Variants in MAPK10 observed in about 807,000 individuals in gnomAD.
MAPK10 encodes JNK3 alpha protein kinase.
A neutral mutation model predicts 59.3 loss-of-function variants in MAPK10; 25 were observed. The ratio of observed to expected loss-of-function variants is 0.42; its 90% CI spans 0.31 to 0.59. The LOEUF (loss-of-function observed/expected upper bound fraction) is 0.59, where lower values mean the gene tolerates loss of function less well. Ranked by LOEUF, MAPK10 falls within the 20% of genes least tolerant of loss-of-function variation. The pLI is 0.15. For synonymous variants in MAPK10, 190 were observed against 200.5 expected, an observed-to-expected ratio of 0.95 and a Z score of 0.44; for missense variants, 351 against 568.9, an observed-to-expected ratio of 0.62 and a Z score of 3.90.
intron 1 of MAPK10, among the ~76,000 whole-genome samples, chr4:86,553,723 G>C (rs909466061): frequency 6.6e-6 from 1 of 152,100 alleles, no homozygotes; most frequent in Non-Finnish European, 1.5e-5. Flanking sequence ...CTGTGAGGAG[G>C]GGAAGTGCCT....
chr4:86,177,356 C>G (rs192904323), intron 3 of MAPK10, among the ~76,000 whole-genome samples: 1 of 152,090 alleles, frequency 6.6e-6, no homozygotes, highest in Non-Finnish European at 1.5e-5. Flanking sequence ...TTGCCCTGCT[C>G]TGCCAAAAAT....
intron 1 of MAPK10, chr4:86,358,062 T>C (rs191139574): frequency 8.4e-5 from 83 of 984,824 alleles, no homozygotes; most frequent in Admixed American, 2.5e-4. Flanking sequence ...GTGATCAAGG[T>C]AGAGAAGGAA....
At chr4:86,264,709 G>A (rs2148752711) in intron 2 of MAPK10, among the ~76,000 whole-genome samples, 1 of 152,228 alleles carries the variant, frequency 6.6e-6, no homozygotes, top group African/African-American at 2.4e-5. Context: ...CTATGCCAGG[G>A]AGGAAACTGA....
chr4:86,121,575 G>T (rs935080859), intron 4 of MAPK10, among the ~76,000 whole-genome samples: 5 of 151,886 alleles, frequency 3.3e-5, no homozygotes, highest in Non-Finnish European at 5.9e-5. Flanking sequence ...TTTCATTTTT[G>T]TGAGGATTAC....
At chr4:86,066,746 C>G (rs1196775057) in intron 10 of MAPK10, among the ~76,000 whole-genome samples, 2 of 95,394 alleles carry the variant, frequency 2.1e-5, no homozygotes, top group African/African-American at 9.2e-5. Flanking sequence ...GAGCGAGACT[C>G]TGTCTCAAAA....
chr4:86,111,053 T>C (rs1421591754), intron 4 of MAPK10, among the ~76,000 whole-genome samples: 1 of 152,194 alleles, frequency 6.6e-6, no homozygotes, highest in Non-Finnish European at 1.5e-5. Flanking sequence ...TAGAAATGCA[T>C]GTGACTTTTT....
chr4:86,507,641 T>G (rs1230968659), intron 1 of MAPK10, among the ~76,000 whole-genome samples: 8 of 83,336 alleles, frequency 9.6e-5, no homozygotes, highest in Admixed American at 1.3e-4. Context: ...TATATATATA[T>G]ATATATATAT....
chr4:86,069,428 T>A (rs979404426), intron 9 of MAPK10, among the ~76,000 whole-genome samples: 1 of 152,110 alleles, frequency 6.6e-6, no homozygotes, highest in Non-Finnish European at 1.5e-5. Flanking sequence ...CATGCTTTGA[T>A]AGAAGCTCAT....
rs58674852 is a variant in MAPK10 at position 86,014,303 on chromosome 4, GGTGTGTGTGTGTGTGTGTGTGTGT to G, written c.*2901_*2924del. The G allele has an allele frequency of 1.4e-5, 2 of 143,892 alleles. No individual in the cohort carries two copies. Among genetic ancestry groups the G allele is most frequent in the Non-Finnish European group, 3.0e-5 (2 of 65,940 alleles). 8.9% of individuals were successfully genotyped at this position (143,892 alleles called of 1,614,324 possible). A position where few individuals can be genotyped will look rare whatever the true frequency, so the allele number is the denominator to read the frequency against. ...AGGTGACTATTTAAGAAATATTTGG[GGTGTGTGTGTGTGTGTGTGTGTGT>G]GTGTGTGTGTGTGTGTGTTAAGACA... On this transcript the variant is annotated 3_prime_UTR_variant, in exon 14 of 14. Transcript: ENST00000641462.
At chr4:86,428,609 C>T (rs1272983347) in intron 1 of MAPK10, among the ~76,000 whole-genome samples, 1 of 152,154 alleles carries the variant, frequency 6.6e-6, no homozygotes, top group Admixed American at 6.5e-5. Context: ...GACAACTTTT[C>T]TCATTTTTTG....
At chr4:86,390,334 T>C (rs530989732) in intron 1 of MAPK10, among the ~76,000 whole-genome samples, 1 of 152,320 alleles carries the variant, frequency 6.6e-6, no homozygotes, top group Non-Finnish European at 1.5e-5. Flanking sequence ...CTTGATCCTA[T>C]GAGATGCCAA....
At chr4:86,406,719 T>A (rs1744407945) in intron 1 of MAPK10, among the ~76,000 whole-genome samples, 1 of 152,070 alleles carries the variant, frequency 6.6e-6, no homozygotes, top group Non-Finnish European at 1.5e-5. Context: ...TGGGGCTTAA[T>A]TAGGGGCTTA....
chr4:86,294,080 G>A (rs1204245416), intron 2 of MAPK10, among the ~76,000 whole-genome samples: 1 of 152,164 alleles, frequency 6.6e-6, no homozygotes, highest in African/African-American at 2.4e-5. Flanking sequence ...ATGTGTCCAC[G>A]GACATACACC....
intron 1 of MAPK10, among the ~76,000 whole-genome samples, chr4:86,506,177 A>T (rs55660529): frequency 0.22 from 33,322 of 152,138 alleles, 4,547 homozygotes; most frequent in Admixed American, 0.3. Context: ...GTCATATGAA[A>T]ATCCAGGAAG....
At chr4:86,043,267 C>A (rs945170096) in intron 11 of MAPK10, among the ~76,000 whole-genome samples, 2 of 152,074 alleles carry the variant, frequency 1.3e-5, no homozygotes, top group South Asian at 2.1e-4. Flanking sequence ...AGAGAACAAC[C>A]CACATTGAGC....
At chr4:86,581,899 TTATATATATATATA>T (rs67303972) in intron 1 of MAPK10, among the ~76,000 whole-genome samples, 6,114 of 91,456 alleles carry the variant, frequency 0.067, 382 homozygotes, top group African/African-American at 0.14. Flanking sequence ...GCTATATATA[TTATATATATATATA>T]TATATATATA....
chr4:86,314,195 G>C (rs1295067231), intron 2 of MAPK10, among the ~76,000 whole-genome samples: 2 of 152,150 alleles, frequency 1.3e-5, no homozygotes, highest in Non-Finnish European at 2.9e-5. Flanking sequence ...ACTGCAAGGA[G>C]GCCCAAAGGA....
intron 2 of MAPK10, among the ~76,000 whole-genome samples, chr4:86,225,732 T>G (rs940995702): frequency 2.0e-5 from 3 of 152,192 alleles, no homozygotes; most frequent in African/African-American, 4.8e-5. Context: ...TAGGTACTAA[T>G]AAAACATCAA....
chr4:86,480,665 T>C (rs528711374), intron 1 of MAPK10, among the ~76,000 whole-genome samples: 1 of 152,340 alleles, frequency 6.6e-6, no homozygotes, highest in Non-Finnish European at 1.5e-5. Flanking sequence ...TAACCCCTGC[T>C]GGAGTTCAAT....
Sources: allele counts gnomAD v4.1 joint callset (sites outside exome capture counted in the v4.1 genomes callset), GRCh38; gene constraint gnomAD v4.1.1; transcripts MANE v1.5; gene names NCBI Gene and HGNC (gene_info 2026-07-23, HGNC 2026-07-21).